The following SEMA3B variants were observed in gnomAD, a reference collection of about 807,000 sequenced individuals.
SEMA3B encodes the protein semaphorin 3B, also known as semaphorin-3B.
A neutral mutation model predicts 77.8 loss-of-function variants in SEMA3B; 71 were observed. That is an observed-to-expected ratio of 0.91 (90% CI 0.75 to 1.11). The LOEUF is 1.11. Ranked by LOEUF, SEMA3B falls within the 50% of genes most tolerant of loss-of-function variation. The probability of loss-of-function intolerance (pLI) is 0.00; values close to 1 mark genes in which losing one functional copy is unlikely to be tolerated. For missense variants in SEMA3B, 968 were observed against 1,056.8 expected, an observed-to-expected ratio of 0.92 and a Z score of 1.17; for synonymous variants, 470 against 452.9, an observed-to-expected ratio of 1.04 and a Z score of -0.48.
At chr3:50,268,528 G>A (rs1381007083), upstream of SEMA3B, among the ~76,000 whole-genome samples, 1 of 152,210 alleles carries the variant, frequency 6.6e-6, no homozygotes, top group African/African-American at 2.4e-5. Flanking sequence ...TGTGCAATAT[G>A]ACACACTATA....
rs181415341 is a variant in SEMA3B at position 50,269,618 on chromosome 3, C to A, written c.109+269C>A. Among the ~76,000 whole-genome samples the A allele has an allele frequency of 6.6e-6, 1 of 152,218 alleles. No homozygotes were observed. The highest frequency in any genetic ancestry group is 1.5e-5 in the Non-Finnish European group (1 of 68,036). On this transcript the variant is annotated intron_variant, in intron 1 of 16. Transcript: ENST00000616701. This position sits in a 1 kb window ranked among gnomAD's most constrained non-coding sequence, Gnocchi z 4.0. Reference sequence around the variant, plus strand: ...CTTGTCTCTGTTCCGTTCAGTACCCCCAACAAGGCGATACTCCTTCAGCAG... The same window carrying A: ...CTTGTCTCTGTTCCGTTCAGTACCCACAACAAGGCGATACTCCTTCAGCAG...
At chr3:50,260,834 C>T in the SEMA3B span, 1 of 152,304 alleles carries the variant, frequency 6.6e-6, no homozygotes. Flanking sequence ...GGGTGGGATC[C>T]TGGGGGCAGG....
At position 50,270,116 on chromosome 3, in the gene SEMA3B, C is replaced by A. The variant is rs1701004783; in HGVS notation, c.110-11C>A. On this transcript the variant is annotated splice_polypyrimidine_tract_variant and intron_variant, in intron 1 of 16. Transcript: ENST00000616701. This position sits in a 1 kb window ranked among gnomAD's most constrained non-coding sequence, Gnocchi z 4.7. Reference sequence around the variant, plus strand: ...TGGCTGGCGAGTCATCAGCAGTGTCCTGCCCTGCAGAGCTCCAGGCCTGGC... The same window carrying A: ...TGGCTGGCGAGTCATCAGCAGTGTCATGCCCTGCAGAGCTCCAGGCCTGGC... 1 of 1,541,214 alleles carries A rather than the reference C, an allele frequency of 6.5e-7. No homozygotes were observed. The highest frequency in any genetic ancestry group is 2.0e-5 in the Admixed American group (1 of 50,466).
At position 50,269,931 on chromosome 3, in the gene SEMA3B, A is replaced by T. The variant is rs1223764654; in HGVS notation, c.110-196A>T. 1.3e-5 allele frequency among the ~76,000 whole-genome samples: 2 copies of T among 152,082 alleles called. No individual in the cohort carries two copies. The highest frequency in any genetic ancestry group is 2.9e-5 in the Non-Finnish European group (2 of 67,998). On this transcript the variant is annotated intron_variant, in intron 1 of 16. Coordinates refer to ENST00000616701, the MANE Select transcript of SEMA3B (RefSeq NM_001290060.2). The surrounding 1 kb of genome is among the most constrained non-coding windows in gnomAD (Gnocchi z 4.0). ...TGCCTTCCTCTTCCTGGGGGGATGTACCACCTACCCTGGCAGCTCCACACG... is the reference window on the plus strand; with the variant it reads ...TGCCTTCCTCTTCCTGGGGGGATGTTCCACCTACCCTGGCAGCTCCACACG...
At position 50,272,987 on chromosome 3, in the gene SEMA3B, C is replaced by G. The variant is rs1339740391; in HGVS notation, c.665-311C>G. On this transcript the variant is annotated intron_variant, in intron 6 of 16. Coordinates refer to ENST00000616701, the MANE Select transcript of SEMA3B (RefSeq NM_001290060.2). ...AAGGTGAAACCAGATTACCTCATCT[C>G]CCTCCTACCCCAGCCTAAGGTGCTG... The G allele has an allele frequency of 8.9e-6, 3 of 336,354 alleles. No homozygotes were observed. The South Asian group carries it at 1.1e-4, about 12-fold the overall frequency. The allele number at this position is 336,354 out of a possible 1,614,324, so 20.8% of individuals were successfully genotyped here. A position where few individuals can be genotyped will look rare whatever the true frequency, so the allele number is the denominator to read the frequency against.
chr3:50,266,261 C>T (rs1271270216), upstream of SEMA3B, among the ~76,000 whole-genome samples: 2 of 152,168 alleles, frequency 1.3e-5, no homozygotes, highest in Non-Finnish European at 2.9e-5. Flanking sequence ...AGAGCCTGCC[C>T]AGGTCCTCTA....
Position 50,270,069 on chromosome 3 carries a change from G to T in SEMA3B, c.110-58G>T. 6.8e-7 allele frequency: 1 copy of T among 1,472,816 alleles called. No homozygotes were observed. Among genetic ancestry groups the T allele is most frequent in the South Asian group, 1.3e-5 (1 of 74,234 alleles). 91.2% of individuals were successfully genotyped at this position (1,472,816 alleles called of 1,614,324 possible). ...GGCCGATAGAGTCACCACCAGGCAGGACCTGGGGGAGGCTTCCAGCATGGC... is the reference window on the plus strand; with the variant it reads ...GGCCGATAGAGTCACCACCAGGCAGTACCTGGGGGAGGCTTCCAGCATGGC... On this transcript the variant is annotated intron_variant, in intron 1 of 16. Transcript: ENST00000616701. This position sits in a 1 kb window ranked among gnomAD's most constrained non-coding sequence, Gnocchi z 4.7.
rs9875873 is a variant in SEMA3B, at chr3:50,269,200, C to T, written c.-41C>T. 69,184 of 1,434,122 alleles carry T rather than the reference C, an allele frequency of 0.048. 6,398 individuals carry two copies. Among genetic ancestry groups the T allele is most frequent in the African/African-American group, 0.38 (27,258 of 71,112 alleles). 88.8% of individuals were successfully genotyped at this position (1,434,122 alleles called of 1,614,324 possible). ...TCCAGGGCAGCTCAAGGCTCCTCCA[C>T]ACACACACCCGCTGAACCCTGAGCA... On this transcript the variant is annotated 5_prime_UTR_variant, in exon 1 of 17. Transcript: ENST00000616701. The surrounding 1 kb of genome is among the most constrained non-coding windows in gnomAD (Gnocchi z 4.0).
chr3:50,269,314 CCCCCA>C lies in SEMA3B; in HGVS notation c.75_79del (p.Ser27ProfsTer34). The C allele has an allele frequency of 3.9e-6, 6 of 1,522,968 alleles. No homozygotes were observed. The highest frequency in any genetic ancestry group is 2.2e-5 in the Admixed American group (1 of 45,624). The allele number at this position is 1,522,968 out of a possible 1,614,324, so 94.3% of individuals were successfully genotyped here. A position where few individuals can be genotyped will look rare whatever the true frequency, so the allele number is the denominator to read the frequency against. The stretch of plus-strand genomic sequence containing the variant: ...TGGGCAGTGGGGCTGGGGAGTGCCG[CCCCCA>C]GCCCCCCACGCCTTCGGCTCTCCTT... On this transcript the variant is annotated frameshift_variant, in exon 1 of 17. Coordinates refer to ENST00000616701, the MANE Select transcript of SEMA3B (RefSeq NM_001290060.2). LOFTEE classifies it high-confidence loss of function. This position sits in a 1 kb window ranked among gnomAD's most constrained non-coding sequence, Gnocchi z 4.0.
In SEMA3B at chr3:50,275,687, C is replaced by T. The variant is rs1553706475; in HGVS notation, c.1706-18C>T. 6.2e-7 allele frequency: 1 copy of T among 1,612,196 alleles called. No homozygotes were observed. Among genetic ancestry groups the T allele is most frequent in the Admixed American group, 1.7e-5 (1 of 59,954 alleles). On this transcript the variant is annotated intron_variant, in intron 15 of 16. Coordinates refer to ENST00000616701, the MANE Select transcript of SEMA3B (RefSeq NM_001290060.2). The surrounding 1 kb of genome is among the most constrained non-coding windows in gnomAD (Gnocchi z 7.5). Reference sequence around the variant, plus strand: ...CCTGCCCTGCCTTGCCTAAATCTGACTTTCTTCTCGCCCCAAGACTCGTCT... The same window carrying T: ...CCTGCCCTGCCTTGCCTAAATCTGATTTTCTTCTCGCCCCAAGACTCGTCT...
Position 50,270,827 on chromosome 3 carries a change from G to A in SEMA3B, c.331-63G>A, listed in dbSNP as rs1232590675. The A allele has an allele frequency of 1.7e-5, 26 of 1,548,366 alleles. No individual in the cohort carries two copies. The South Asian group carries it at 3.0e-4, about 18-fold the overall frequency. On this transcript the variant is annotated intron_variant, in intron 3 of 16. Transcript: ENST00000616701. The surrounding 1 kb of genome is among the most constrained non-coding windows in gnomAD (Gnocchi z 4.7). ...GAGAGGGAGGGGTGAGGATGCCACT[G>A]GTGAGCTGGGACCTCTTAAGGCTAC...
At position 50,276,451 on chromosome 3, in the gene SEMA3B, T is replaced by C. The variant is rs1265103014; in HGVS notation, c.1995T>C (p.Ala665=). 9 of 1,534,192 alleles carry C rather than the reference T, an allele frequency of 5.9e-6. No homozygotes were observed. In the East Asian group the frequency reaches 1.7e-4, roughly 29 times the overall value. ...LRRLSLHVLS[A]TQAERLARAE... is the part of the protein sequence containing the mutation. ...GCCTGTCGCTGCACGTGTTGAGTGC[T>C]ACGCAGGCCGAACGACTGGCGCGGG... Residue 665 remains alanine (A), a synonymous_variant, in exon 17 of 17, where the codon GCT becomes GCC. Coordinates refer to ENST00000616701, the MANE Select transcript of SEMA3B (RefSeq NM_001290060.2). This position sits in a 1 kb window ranked among gnomAD's most constrained non-coding sequence, Gnocchi z 5.8.
upstream of SEMA3B, among the ~76,000 whole-genome samples, chr3:50,268,656 G>C (rs1456878881): frequency 6.6e-6 from 1 of 152,258 alleles, no homozygotes; most frequent in Admixed American, 6.5e-5. Context: ...AGCCTCAAAA[G>C]TGTCTCTGTG....
At position 50,273,011 on chromosome 3, in the gene SEMA3B, T is replaced by TCA. The variant is rs1553705641; in HGVS notation, c.665-287_665-286insCA. 1 of 440,522 alleles carries TCA rather than the reference T, an allele frequency of 2.3e-6. No homozygotes were observed. Among genetic ancestry groups the TCA allele is most frequent in the Non-Finnish European group, 4.1e-6 (1 of 243,652 alleles). 27.3% of individuals were successfully genotyped at this position (440,522 alleles called of 1,614,324 possible). On this transcript the variant is annotated intron_variant, in intron 6 of 16. Coordinates refer to ENST00000616701, the MANE Select transcript of SEMA3B (RefSeq NM_001290060.2). This position sits in a 1 kb window ranked among gnomAD's most constrained non-coding sequence, Gnocchi z 6.5. ...TCCCTCCTACCCCAGCCTAAGGTGC[T>TCA]GGGCGACGTGTGGGGCGAGATCGGA... is the stretch of plus-strand genomic sequence containing the variant.
chr3:50,263,922 G>A (rs1182093833), upstream of SEMA3B, among the ~76,000 whole-genome samples: 1 of 152,048 alleles, frequency 6.6e-6, no homozygotes, highest in Non-Finnish European at 1.5e-5. Context: ...AGGTGGCCGG[G>A]AGCGGTGACT....
chr3:50,272,792 C>T (rs1459012375), intron 6 of SEMA3B, among the ~76,000 whole-genome samples: 1 of 150,116 alleles, frequency 6.7e-6, no homozygotes, highest in Admixed American at 6.6e-5. Context: ...TGCAGTGAGC[C>T]GAGATCGAGC....
In SEMA3B at chr3:50,270,781, C is replaced by T; in HGVS notation, c.331-109C>T. ...CAGGTCCCTGTAGCCCATGTTAGTA[C>T]TTGCCTGGGCTGATGCCGAAGAGAG... On this transcript the variant is annotated intron_variant, in intron 3 of 16. Coordinates refer to ENST00000616701, the MANE Select transcript of SEMA3B (RefSeq NM_001290060.2). The surrounding 1 kb of genome is among the most constrained non-coding windows in gnomAD (Gnocchi z 4.7). 1.3e-6 allele frequency: 2 copies of T among 1,499,270 alleles called. No individual in the cohort carries two copies. Among genetic ancestry groups the T allele is most frequent in the Non-Finnish European group, 1.8e-6 (2 of 1,113,602 alleles). The allele number at this position is 1,499,270 out of a possible 1,614,324, so 92.9% of individuals were successfully genotyped here. A position where few individuals can be genotyped will look rare whatever the true frequency, so the allele number is the denominator to read the frequency against.
chr3:50,267,549 C>T (rs1176494777), upstream of SEMA3B: 1 of 152,488 alleles, frequency 6.6e-6, no homozygotes, highest in Non-Finnish European at 1.5e-5. The surrounding 1 kb of genome is among the most constrained non-coding windows in gnomAD (Gnocchi z 5.7). Context: ...GTCACCCGAT[C>T]CGCCCTCTAA....
chr3:50,267,224 C>T (rs1553704595), upstream of SEMA3B: 1 of 152,370 alleles, frequency 6.6e-6, no homozygotes, highest in African/African-American at 2.4e-5. This position sits in a 1 kb window ranked among gnomAD's most constrained non-coding sequence, Gnocchi z 5.7. Context: ...CCCAGCCGGT[C>T]CCTGGGAACT....
Sources: gnomAD v4.1 joint callset for allele counts (sites outside exome capture counted in the v4.1 genomes callset) on GRCh38, gnomAD v4.1.1 for gene constraint, Gnocchi (gnomAD v3.1) non-coding constraint, MANE v1.5 for transcripts, NCBI Gene and HGNC (gene_info 2026-07-23, HGNC 2026-07-21) for gene names.